The following ROBO1 variants were observed in gnomAD, a reference collection of about 807,000 sequenced individuals.
ROBO1 encodes the protein roundabout homolog 1.
A neutral mutation model predicts 195.9 loss-of-function variants in ROBO1; 149 were observed. The ratio of observed to expected loss-of-function variants is 0.76; its 90% CI spans 0.67 to 0.87. ROBO1 has a LOEUF of 0.87. Ranked by LOEUF, ROBO1 falls within the 40% of genes least tolerant of loss-of-function variation. ROBO1 has a pLI of 0.00. For synonymous variants in ROBO1, 816 were observed against 733.2 expected, an observed-to-expected ratio of 1.11 and a Z score of -1.82; for missense variants, 1,933 against 2,068.3, an observed-to-expected ratio of 0.93 and a Z score of 1.27.
intron 4 of ROBO1, among the ~76,000 whole-genome samples, chr3:78,848,898 C>G (rs947355187): frequency 6.6e-6 from 1 of 152,016 alleles, no homozygotes; most frequent in South Asian, 2.1e-4. Flanking sequence ...AAGTGGTTAT[C>G]GCACTAATTT....
Position 79,338,721 on chromosome 3 carries a change from C to T in ROBO1, c.89-213182G>A, listed in dbSNP as rs143434076. Reference sequence around the variant, plus strand: ...TTCTCAAATTCTAAAAAAAAACCTTCGGATCTTTTTTCTATCTCTATACTC... The same window carrying T: ...TTCTCAAATTCTAAAAAAAAACCTTTGGATCTTTTTTCTATCTCTATACTC... On this transcript the variant is annotated intron_variant, in intron 2 of 30. Transcript: ENST00000464233. Among the ~76,000 whole-genome samples the T allele has an allele frequency of 8.7e-4, 132 of 152,222 alleles. 3 individuals are homozygous for T. In the East Asian group the frequency reaches 0.024, roughly 28 times the overall value.
intron 4 of ROBO1, among the ~76,000 whole-genome samples, chr3:78,831,491 T>A (rs1182167470): frequency 6.6e-6 from 1 of 152,234 alleles, no homozygotes; most frequent in East Asian, 1.9e-4. Flanking sequence ...CTGTGTCTCC[T>A]ACTGCATTTG....
rs527237795 is a variant in ROBO1 at position 78,722,215 on chromosome 3, A to C, written c.658-4332T>G. 1.4e-4 allele frequency among the ~76,000 whole-genome samples: 21 copies of C among 152,264 alleles called. 1 individual carries two copies. The South Asian group carries it at 3.7e-3, about 27-fold the overall frequency. On this transcript the variant is annotated intron_variant, in intron 5 of 30. Transcript: ENST00000464233. ...ATAGAAAAACTGTTTCTTTTCAATA[A>C]AAATTTATTTTACAGCCATCTTTTA...
intron 4 of ROBO1, among the ~76,000 whole-genome samples, chr3:78,817,480 G>A (rs1433489936): frequency 6.6e-6 from 1 of 151,964 alleles, no homozygotes; most frequent in Admixed American, 6.6e-5. Flanking sequence ...TGATGGTCTG[G>A]AAATGAACTC....
At chr3:79,565,714 T>C (rs911301519) in intron 2 of ROBO1, among the ~76,000 whole-genome samples, 8 of 152,084 alleles carry the variant, frequency 5.3e-5, no homozygotes, top group African/African-American at 1.7e-4. Flanking sequence ...TAGTGAAAGC[T>C]TCACATAATA....
At chr3:79,370,832 C>T (rs929705792) in intron 2 of ROBO1, among the ~76,000 whole-genome samples, 3 of 151,860 alleles carry the variant, frequency 2.0e-5, no homozygotes, top group Admixed American at 1.3e-4. Context: ...GCTCTCTCTC[C>T]CCTTGCCCCC....
intron 4 of ROBO1, among the ~76,000 whole-genome samples, chr3:78,856,556 G>C (rs988247670): frequency 6.6e-6 from 1 of 151,060 alleles, no homozygotes; most frequent in East Asian, 1.9e-4. Flanking sequence ...ACCAATAATT[G>C]CAAGAGTCCA....
At chr3:79,004,687 T>C (rs1475153616) in intron 3 of ROBO1, among the ~76,000 whole-genome samples, 1 of 152,106 alleles carries the variant, frequency 6.6e-6, no homozygotes, top group South Asian at 2.1e-4. Context: ...ATATAGACAG[T>C]GTATCCCCAA....
At chr3:79,313,690 C>T (rs996683779) in intron 2 of ROBO1, among the ~76,000 whole-genome samples, 2 of 152,130 alleles carry the variant, frequency 1.3e-5, no homozygotes, top group African/African-American at 4.8e-5. Flanking sequence ...TCCCTTAGCC[C>T]TATTTTGCTG....
chr3:79,644,958 A>G (rs1459551531), intron 1 of ROBO1, among the ~76,000 whole-genome samples: 1 of 152,182 alleles, frequency 6.6e-6, no homozygotes, highest in African/African-American at 2.4e-5. Flanking sequence ...TGCTTGGAAC[A>G]ATAATATGTC....
intron 3 of ROBO1, among the ~76,000 whole-genome samples, chr3:79,024,529 CAGTT>C (rs757947112): frequency 6.6e-5 from 10 of 151,994 alleles, no homozygotes; most frequent in Non-Finnish European, 1.3e-4. Context: ...TATTTGAGCT[CAGTT>C]TGTTTTGAAC....
intron 2 of ROBO1, among the ~76,000 whole-genome samples, chr3:79,389,365 C>G (rs1357842246): frequency 1.3e-5 from 2 of 152,096 alleles, no homozygotes; most frequent in African/African-American, 2.4e-5. Context: ...TGGTAGGTTT[C>G]TTGTTGTCAG....
intron 2 of ROBO1, among the ~76,000 whole-genome samples, chr3:79,385,354 C>A (rs1488446806): frequency 6.6e-6 from 1 of 152,000 alleles, no homozygotes. Context: ...TTTAGGAATG[C>A]AAATTCAAGA....
intron 9 of ROBO1, among the ~76,000 whole-genome samples, chr3:78,686,211 G>A (rs1420298272): frequency 6.6e-6 from 1 of 151,966 alleles, no homozygotes; most frequent in Non-Finnish European, 1.5e-5. Context: ...TAACTCTCAA[G>A]ATTGATACAT....
chr3:78,674,203 T>A (rs889304374), intron 10 of ROBO1, among the ~76,000 whole-genome samples: 1 of 152,220 alleles, frequency 6.6e-6, no homozygotes, highest in South Asian at 2.1e-4. Context: ...TGAATTTGTA[T>A]GTTTCTAAGT....
In ROBO1 at chr3:78,635,934, G is replaced by A. The variant is rs779468135; in HGVS notation, c.3212C>T (p.Thr1071Ile). The A allele has an allele frequency of 2.5e-6, 4 of 1,613,960 alleles. No individual in the cohort carries two copies. Among genetic ancestry groups the A allele is most frequent in the Non-Finnish European group, 3.4e-6 (4 of 1,179,852 alleles). The change falls in exon 23 of 31, where the codon ACT (threonine) becomes ATT (isoleucine). Residue 1071 changes from threonine (T) to isoleucine (I), a missense_variant. Physicochemically the swap from Thr to Ile is moderately conservative, Grantham distance 89. Transcript: ENST00000464233. ...GATGAGCTGAGTGGTGGCGTAAGGA[G>A]TAGGCTGCCCTGATGGATTGACAAA... ...GRFVNPSGQPTPYATTQLIQS... is the reference protein window; with the variant it reads ...GRFVNPSGQPIPYATTQLIQS...
At chr3:78,826,306 T>C (rs2031595999) in intron 4 of ROBO1, among the ~76,000 whole-genome samples, 1 of 152,184 alleles carries the variant, frequency 6.6e-6, no homozygotes, top group African/African-American at 2.4e-5. Flanking sequence ...ATTGCTTAAA[T>C]GAACTTTTTG....
chr3:79,711,928 T>TGG (rs201361807), intron 1 of ROBO1, among the ~76,000 whole-genome samples: 347 of 14,932 alleles, frequency 0.023, 2 homozygotes, highest in African/African-American at 0.051. Flanking sequence ...GATGGGCGGG[T>TGG]GGGTGGGGGA....
At chr3:79,544,503 T>C (rs1020129201) in intron 2 of ROBO1, among the ~76,000 whole-genome samples, 4 of 152,038 alleles carry the variant, frequency 2.6e-5, no homozygotes, top group African/African-American at 9.7e-5. Flanking sequence ...TAACAATATA[T>C]TCTAACTTTG....
Sources: allele counts gnomAD v4.1 joint callset (sites outside exome capture counted in the v4.1 genomes callset), GRCh38; gene constraint gnomAD v4.1.1; transcripts MANE v1.5; gene names NCBI Gene and HGNC (gene_info 2026-07-23, HGNC 2026-07-21).